Variants in TBCD observed in about 807,000 individuals in gnomAD.
The protein encoded by TBCD is tubulin-specific chaperone D.
TBCD carries 105 observed loss-of-function variants against 169.3 expected under a neutral mutation model. The observed-to-expected ratio is 0.62, with a 90% CI of 0.53 to 0.73. The LOEUF is 0.73. TBCD is among the 30% of genes least tolerant of loss of function. The pLI is 0.00. For synonymous variants in TBCD, 700 were observed against 643.9 expected (o/e 1.09, Z -1.32); for missense variants, 1,444 against 1,600.1 (o/e 0.90, Z 1.66).
intron 13 of TBCD, chr17:82,859,868 A>G (rs2056615544): frequency 6.1e-6 from 6 of 985,296 alleles, no homozygotes; most frequent in Middle Eastern, 1.0e-3. Context: ...AACCCTTGAG[A>G]TAACTGGGTT....
In TBCD at chr17:82,773,722, T is replaced by TTCTC. The variant is rs201405800; in HGVS notation, c.638+1218_638+1219insCTCT. 1.0e-2 allele frequency among the ~76,000 whole-genome samples: 1,512 copies of TTCTC among 151,764 alleles called. 21 individuals carry two copies. The highest frequency in any genetic ancestry group is 0.035 in the African/African-American group (1,437 of 41,372). ...CCTGGTGCGAGAGTGTCTTTTCTTT[T>TTCTC]TCTTTCTTTTTTTTTTTTAATTGAG... On this transcript the variant is annotated intron_variant, in intron 6 of 38. Transcript: ENST00000355528.
rs1433215798 is a variant in TBCD at position 82,781,578 on chromosome 17, C to T, written c.639-11C>T. On this transcript the variant is annotated splice_polypyrimidine_tract_variant and intron_variant, in intron 6 of 38. Coordinates refer to ENST00000355528, the MANE Select transcript of TBCD (RefSeq NM_005993.5). ...TGCTGAGGCCTTGGTTGAGCTGTAT[C>T]CTTTTGGCAGATTTATCACACGTCC... 6 of 1,613,368 alleles carry T rather than the reference C, an allele frequency of 3.7e-6. No individual in the cohort carries two copies. Among genetic ancestry groups the T allele is most frequent in the South Asian group, 1.1e-5 (1 of 91,066 alleles).
At chr17:82,917,019 CTTTTCTTT>C (rs1225708934) in intron 23 of TBCD, among the ~76,000 whole-genome samples, 7 of 108,518 alleles carry the variant, frequency 6.5e-5, no homozygotes, top group Non-Finnish European at 1.3e-4. Flanking sequence ...TTTTTCTTTT[CTTTTCTTT>C]TTTTTTTTTT....
intron 6 of TBCD, 33 bp downstream of exon 6, chr17:82,772,540 G>A (rs757136442): frequency 4.3e-6 from 7 of 1,612,474 alleles, no homozygotes; most frequent in African/African-American, 1.3e-5. Context: ...TTGGTGTGTG[G>A]CTGGTGGGTT....
rs1311175094 is a variant in TBCD, at chr17:82,930,321, G to A, written c.2992-201G>A. The A allele has an allele frequency of 3.0e-6, 2 of 662,942 alleles. No homozygotes were observed. The highest frequency in any genetic ancestry group is 4.9e-6 in the Non-Finnish European group (2 of 406,502). The allele number at this position is 662,942 out of a possible 1,614,324, so 41.1% of individuals were successfully genotyped here. A position where few individuals can be genotyped will look rare whatever the true frequency, so the allele number is the denominator to read the frequency against. On this transcript the variant is annotated intron_variant, in intron 32 of 38. Transcript: ENST00000355528. This position sits in a 1 kb window ranked among gnomAD's most constrained non-coding sequence, Gnocchi z 5.2. ...GCTCAGGCTGAGCTGCCGTTGCCGAGAGCCTTGTGTCTGCTTCGGGTGTCT... is the reference window on the plus strand; with the variant it reads ...GCTCAGGCTGAGCTGCCGTTGCCGAAAGCCTTGTGTCTGCTTCGGGTGTCT...
Position 82,923,771 on chromosome 17 carries a change from T to C in TBCD, c.2260+38T>C, listed in dbSNP as rs570595757. 3.1e-5 allele frequency: 48 copies of C among 1,536,216 alleles called. No homozygotes were observed. In the South Asian group the frequency reaches 5.4e-4, roughly 17 times the overall value. The stretch of plus-strand genomic sequence containing the variant: ...CCCTTTTCTTGAAGACTCCAGGGGC[T>C]TCCAGCAGGAAGCTGCTGGGGAGTG... On this transcript the variant is annotated intron_variant, in intron 26 of 38. Transcript: ENST00000355528. This position sits in a 1 kb window ranked among gnomAD's most constrained non-coding sequence, Gnocchi z 4.6.
rs1216133036 is a variant in TBCD at position 82,922,878 on chromosome 17, T to C, written c.2179-774T>C. On this transcript the variant is annotated intron_variant, in intron 25 of 38. Coordinates refer to ENST00000355528, the MANE Select transcript of TBCD (RefSeq NM_005993.5). This position sits in a 1 kb window ranked among gnomAD's most constrained non-coding sequence, Gnocchi z 4.1. ...TGCTGGCTGTGTGGTCACGAGAGGC[T>C]CCTCCGTAGGTGGCAGAGGTGGGGG... 6.6e-6 allele frequency among the ~76,000 whole-genome samples: 1 copy of C among 152,186 alleles called. No homozygotes were observed. The highest frequency in any genetic ancestry group is 1.5e-5 in the Non-Finnish European group (1 of 68,028).
In TBCD at chr17:82,911,794, GTCTGAAGGCCTTTGCAGCCC is replaced by G. The variant is rs771400581; in HGVS notation, c.2038+10_2038+29del. 11 of 1,613,750 alleles carry G rather than the reference GTCTGAAGGCCTTTGCAGCCC, an allele frequency of 6.8e-6. No homozygotes were observed. The highest frequency in any genetic ancestry group is 2.7e-5 in the African/African-American group (2 of 74,932). ...GACAGCTCATGAGACAAGCAGGTAA[GTCTGAAGGCCTTTGCAGCCC>G]TCTGCAGCCCTTTGCCGCAGCCATC... On this transcript the variant is annotated splice_donor_region_variant and intron_variant, in intron 23 of 38. Transcript: ENST00000355528.
At chr17:82,847,356 GAAAAAAAA>G (rs1041994030) in intron 13 of TBCD, among the ~76,000 whole-genome samples, 7 of 81,750 alleles carry the variant, frequency 8.6e-5, no homozygotes, top group African/African-American at 1.4e-4. Flanking sequence ...CCATGTCAAA[GAAAAAAAA>G]AAAAAAAAAA....
At chr17:82,767,402 G>T (rs997708725) in intron 4 of TBCD, among the ~76,000 whole-genome samples, 1 of 151,894 alleles carries the variant, frequency 6.6e-6, no homozygotes, top group Admixed American at 6.6e-5. Flanking sequence ...TGAAAATAAG[G>T]GTACTCCTTT....
chr17:82,862,211 T>C (rs569546479), intron 13 of TBCD, among the ~76,000 whole-genome samples: 2 of 152,334 alleles, frequency 1.3e-5, no homozygotes, highest in East Asian at 1.9e-4. Context: ...CGTGAGCCAC[T>C]GCGCCCGGCC....
chr17:82,808,941 G>T (rs2051225720), intron 11 of TBCD, among the ~76,000 whole-genome samples: 1 of 148,522 alleles, frequency 6.7e-6, no homozygotes, highest in African/African-American at 2.5e-5. Context: ...GGGCTGGCAG[G>T]TGCTGGGGGA....
chr17:82,828,669 C>T (rs1001033711), intron 13 of TBCD, among the ~76,000 whole-genome samples: 2 of 150,986 alleles, frequency 1.3e-5, no homozygotes, highest in Non-Finnish European at 2.9e-5. Context: ...TGTACACATG[C>T]ACACCCACAG....
chr17:82,944,672 C>T lies in TBCD; in HGVS notation c.*2209C>T, dbSNP rs1287145983. ...TAGAGAGCAGCAAGAAGCCAGTATC[C>T]CTGGGACCGGGGAGCTGATGTGGGA... is the stretch of plus-strand genomic sequence containing the variant. On this transcript the variant is annotated 3_prime_UTR_variant, in exon 39 of 39. Transcript: ENST00000355528. 6.6e-6 allele frequency: 1 copy of T among 152,124 alleles called. No individual in the cohort carries two copies. The highest frequency in any genetic ancestry group is 1.5e-5 in the Non-Finnish European group (1 of 68,046). The allele number at this position is 152,124 out of a possible 1,614,324, so 9.4% of individuals were successfully genotyped here.
chr17:82,929,203 C>T lies in TBCD; in HGVS notation c.2784C>T (p.Leu928=), dbSNP rs770036470. ...RAHAASVFLT[L]LHFDSPPIPH... ...ACGCCGCCAGCGTGTTCCTGACGCTCCTGCACTTTGACAGCCCTCCCATCC... is the reference window on the plus strand; with the variant it reads ...ACGCCGCCAGCGTGTTCCTGACGCTTCTGCACTTTGACAGCCCTCCCATCC... Residue 928 remains leucine, a synonymous_variant, in exon 31 of 39, where the codon CTC becomes CTT. Transcript: ENST00000355528. 6.2e-7 allele frequency: 1 copy of T among 1,613,942 alleles called. No individual in the cohort carries two copies. Among genetic ancestry groups the T allele is most frequent in the Non-Finnish European group, 8.5e-7 (1 of 1,179,884 alleles).
chr17:82,937,871 T>C, intron 35 of TBCD, 178 bp from the exon 36 acceptor site: 2 of 1,511,038 alleles, frequency 1.3e-6, no homozygotes, highest in Non-Finnish European at 1.8e-6. Flanking sequence ...GACACTCGTG[T>C]GTGTAGGCAC....
rs552586907 is a variant in TBCD, at chr17:82,923,494, G to A, written c.2179-158G>A. Among the ~76,000 whole-genome samples the A allele has an allele frequency of 1.2e-4, 18 of 152,156 alleles. No individual in the cohort carries two copies. The highest frequency in any genetic ancestry group is 3.4e-4 in the African/African-American group (14 of 41,516). ...TGCTTCTCCAACCTCAGGGCGACCC[G>A]CTGGGTCCCTGGTCAGGCAGGGGCT... On this transcript the variant is annotated intron_variant, in intron 25 of 38. Transcript: ENST00000355528. This position sits in a 1 kb window ranked among gnomAD's most constrained non-coding sequence, Gnocchi z 4.6.
At chr17:82,888,816 G>C (rs1400913009) in intron 15 of TBCD, among the ~76,000 whole-genome samples, 1 of 152,240 alleles carries the variant, frequency 6.6e-6, no homozygotes, top group African/African-American at 2.4e-5. Context: ...GCGAGTGTTG[G>C]CAGGAATCCT....
At chr17:82,881,758 C>T (rs948268294) in intron 14 of TBCD, among the ~76,000 whole-genome samples, 1 of 152,222 alleles carries the variant, frequency 6.6e-6, no homozygotes, top group Non-Finnish European at 1.5e-5. Context: ...TATTTAATTT[C>T]ATTTGCCATT....
Sources: gnomAD v4.1 joint callset for allele counts (sites outside exome capture counted in the v4.1 genomes callset) on GRCh38, gnomAD v4.1.1 for gene constraint, Gnocchi (gnomAD v3.1) non-coding constraint, MANE v1.5 for transcripts, NCBI Gene and HGNC (gene_info 2026-07-23, HGNC 2026-07-21) for gene names.